The following MARK3 variants were observed in gnomAD, a reference collection of about 807,000 sequenced individuals.
MARK3 encodes microtubule affinity regulating kinase 3.
MARK3 carries 46 observed loss-of-function variants against 90.1 expected under a neutral mutation model. That is an observed-to-expected ratio of 0.51 (90% CI 0.40 to 0.65). The LOEUF is 0.65. Among genes scored for constraint, MARK3 ranks in the 30% least tolerant of loss-of-function variants. The probability of loss-of-function intolerance (pLI) is 0.00; values close to 1 mark genes in which losing one functional copy is unlikely to be tolerated. For synonymous variants in MARK3, 321 were observed against 332.6 expected, an observed-to-expected ratio of 0.97 and a Z score of 0.38; for missense variants, 818 against 947.2, an observed-to-expected ratio of 0.86 and a Z score of 1.79.
At chr14:103,501,845 T>C (rs1462486198) in intron 17 of MARK3, among the ~76,000 whole-genome samples, 1 of 152,222 alleles carries the variant, frequency 6.6e-6, no homozygotes, top group Non-Finnish European at 1.5e-5. Context: ...AGGAAGCTTC[T>C]CTCATCAGTA....
intron 1 of MARK3, among the ~76,000 whole-genome samples, chr14:103,390,064 C>T (rs1322923283): frequency 1.3e-5 from 2 of 151,048 alleles, no homozygotes; most frequent in East Asian, 1.9e-4. Flanking sequence ...CTGGCTAACA[C>T]GGTGAAACCC....
At chr14:103,480,026 C>T (rs772807663) in intron 13 of MARK3, among the ~76,000 whole-genome samples, 26 of 152,034 alleles carry the variant, frequency 1.7e-4, no homozygotes, top group Non-Finnish European at 1.0e-4. Context: ...GAGGCTGAGG[C>T]AGGAGAATCG....
chr14:103,412,398 C>T (rs111367179), intron 2 of MARK3: 65 of 600,666 alleles, frequency 1.1e-4, no homozygotes, highest in East Asian at 6.3e-4. Context: ...AGGCCTATGC[C>T]GAGGATTCGT....
intron 12 of MARK3, among the ~76,000 whole-genome samples, chr14:103,473,831 T>C (rs1048692750): frequency 7.2e-5 from 11 of 151,998 alleles, no homozygotes; most frequent in African/African-American, 2.4e-4. Context: ...TCCCAAAGTG[T>C]TGGAATTACA....
intron 17 of MARK3, among the ~76,000 whole-genome samples, chr14:103,500,915 C>G (rs750242058): frequency 6.6e-6 from 1 of 152,178 alleles, no homozygotes; most frequent in Non-Finnish European, 1.5e-5. Flanking sequence ...AGCCCCCGCA[C>G]CCAGCCTTGC....
chr14:103,424,952 AT>A (rs1000031944), intron 2 of MARK3, among the ~76,000 whole-genome samples: 1 of 151,830 alleles, frequency 6.6e-6, no homozygotes, highest in Non-Finnish European at 1.5e-5. Context: ...ATTTATTTTT[AT>A]TTTTTTGAGA....
intron 14 of MARK3, among the ~76,000 whole-genome samples, chr14:103,482,843 G>T (rs1471128554): frequency 1.3e-5 from 2 of 151,806 alleles, no homozygotes; most frequent in African/African-American, 4.8e-5. Context: ...GCCTTGTTGG[G>T]GCCAACTCTT....
At chr14:103,440,582 G>A (rs2092825409) in intron 3 of MARK3, among the ~76,000 whole-genome samples, 1 of 150,722 alleles carries the variant, frequency 6.6e-6, no homozygotes, top group Non-Finnish European at 1.5e-5. Flanking sequence ...CCTGGCGACA[G>A]AGCAAGACTG....
intron 11 of MARK3, 73 bp downstream of exon 11, chr14:103,467,264 T>C: frequency 1.4e-6 from 1 of 690,982 alleles, no homozygotes. Context: ...TTCTTAGTTT[T>C]TATCTTTTGA....
At chr14:103,491,011 G>A (rs1381169849) in intron 14 of MARK3, 33 of 1,288,218 alleles carry the variant, frequency 2.6e-5, no homozygotes, top group Middle Eastern at 2.1e-4. Flanking sequence ...TCTACCTGTC[G>A]GCTGAGACAT....
At position 103,471,211 on chromosome 14, in the gene MARK3, A is replaced by T. The variant is rs117320046; in HGVS notation, c.1264+3025A>T. ...GTCCCTCAATCCTAGAAGAAACCTG[A>T]CAATGGGATTTTCACATTTCTCTAA... On this transcript the variant is annotated intron_variant, in intron 12 of 17. Transcript: ENST00000429436. Among the ~76,000 whole-genome samples the T allele has an allele frequency of 1.2e-4, 19 of 152,352 alleles. No homozygotes were observed. The East Asian group carries it at 3.5e-3, about 28-fold the overall frequency.
chr14:103,474,120 C>T (rs2093676519), intron 12 of MARK3, among the ~76,000 whole-genome samples: 1 of 151,900 alleles, frequency 6.6e-6, no homozygotes, highest in African/African-American at 2.4e-5. Flanking sequence ...CGGGAGAATC[C>T]CTTGAACCCA....
intron 14 of MARK3, among the ~76,000 whole-genome samples, chr14:103,486,474 C>A (rs2093931307): frequency 6.6e-6 from 1 of 152,008 alleles, no homozygotes; most frequent in Non-Finnish European, 1.5e-5. Flanking sequence ...TGTAATACAG[C>A]TACTATGAAC....
intron 7 of MARK3, 108 bp from the exon 8 acceptor site, chr14:103,465,449 A>T: frequency 1.4e-6 from 1 of 693,186 alleles, no homozygotes; most frequent in Non-Finnish European, 2.5e-6. Context: ...ATTAATTAGG[A>T]GGTAACTTCA....
At chr14:103,452,289 A>C (rs955847289) in intron 5 of MARK3, among the ~76,000 whole-genome samples, 2 of 152,032 alleles carry the variant, frequency 1.3e-5, no homozygotes, top group African/African-American at 4.8e-5. Context: ...TAGCATGTTC[A>C]CGTTGCCCTC....
chr14:103,452,710 A>G (rs1449321132), intron 5 of MARK3, among the ~76,000 whole-genome samples: 1 of 151,558 alleles, frequency 6.6e-6, no homozygotes, highest in Non-Finnish European at 1.5e-5. Flanking sequence ...TGACCTCGTG[A>G]TCCGCCCGCC....
Position 103,502,927 on chromosome 14 carries a change from G to A in MARK3, c.1962G>A (p.Lys654=), listed in dbSNP as rs753894177. Residue 654 remains lysine, a synonymous_variant, in exon 18 of 18, where the codon AAG becomes AAA. Coordinates refer to ENST00000429436, the MANE Select transcript of MARK3 (RefSeq NM_001128918.3). ...AEQKDENKEA[K]PRSLRFTWSM... ...AAAAAGATGAAAACAAAGAAGCAAA[G>A]CCTCGATCCCTACGCTTCACCTGGA... is the stretch of plus-strand genomic sequence containing the variant. The A allele has an allele frequency of 5.6e-6, 9 of 1,613,990 alleles. No homozygotes were observed. Among genetic ancestry groups the A allele is most frequent in the East Asian group, 2.2e-5 (1 of 44,884 alleles).
chr14:103,461,266 T>C (rs1188984096), intron 6 of MARK3, among the ~76,000 whole-genome samples: 2 of 152,262 alleles, frequency 1.3e-5, no homozygotes, highest in African/African-American at 4.8e-5. Flanking sequence ...TAGCAAGACA[T>C]GTTACCTCTG....
At chr14:103,396,083 G>T (rs2090560300) in intron 1 of MARK3, among the ~76,000 whole-genome samples, 1 of 152,176 alleles carries the variant, frequency 6.6e-6, no homozygotes, top group South Asian at 2.1e-4. Flanking sequence ...CCTGCCCTCA[G>T]TTGTGCCCTG....
Sources: gnomAD v4.1 joint callset for allele counts (sites outside exome capture counted in the v4.1 genomes callset) on GRCh38, gnomAD v4.1.1 for gene constraint, MANE v1.5 for transcripts, NCBI Gene and HGNC (gene_info 2026-07-23, HGNC 2026-07-21) for gene names.